SESN3: variants seen among roughly 807,000 people sequenced by gnomAD.
SESN3 encodes sestrin-3.
A neutral mutation model predicts 55.3 loss-of-function variants in SESN3; 21 were observed. The ratio of observed to expected loss-of-function variants is 0.38; its 90% confidence interval spans 0.27 to 0.55. SESN3 has a LOEUF of 0.55. Among genes scored for constraint, SESN3 ranks in the 20% least tolerant of loss-of-function variants. SESN3 has a pLI of 0.76. For synonymous variants in SESN3, 181 were observed against 203.1 expected (o/e 0.89, Z 0.93); for missense variants, 408 against 604.3 (o/e 0.68, Z 3.41).
chr11:95,174,673 TGGG>T (rs1859921731), intron 9 of SESN3, among the ~76,000 whole-genome samples: 3 of 152,024 alleles, frequency 2.0e-5, no homozygotes, highest in Non-Finnish European at 4.4e-5. Context: ...TTAGTAGAAA[TGGG>T]GTTTCACTAC....
At chr11:95,212,049 A>G (rs1290900840) in intron 1 of SESN3, among the ~76,000 whole-genome samples, 9 of 152,230 alleles carry the variant, frequency 5.9e-5, no homozygotes, top group Admixed American at 5.9e-4. Context: ...TAGATACTCT[A>G]TAATGTTATC....
At chr11:95,190,575 G>A (rs1860248033) in intron 3 of SESN3, among the ~76,000 whole-genome samples, 1 of 151,826 alleles carries the variant, frequency 6.6e-6, no homozygotes, top group Admixed American at 6.6e-5. Context: ...AGCATTCTAA[G>A]TCTGCTTTCA....
intron 6 of SESN3, chr11:95,184,205 A>G: frequency 1.7e-6 from 1 of 595,022 alleles, no homozygotes; most frequent in South Asian, 2.1e-5. Flanking sequence ...AGTATGAACT[A>G]CAAAGCTGAA....
chr11:95,193,034 T>C (rs1860296829), intron 2 of SESN3, among the ~76,000 whole-genome samples: 1 of 152,086 alleles, frequency 6.6e-6, no homozygotes, highest in Non-Finnish European at 1.5e-5. Context: ...GTAGGCAACT[T>C]AGAGCAGCCC....
intron 1 of SESN3, among the ~76,000 whole-genome samples, chr11:95,221,421 T>C (rs918047402): frequency 6.6e-6 from 1 of 152,226 alleles, no homozygotes; most frequent in East Asian, 1.9e-4. Context: ...TATTGATAAC[T>C]GAAAAGACAA....
chr11:95,181,255 C>T (rs1198425111), intron 6 of SESN3, among the ~76,000 whole-genome samples: 1 of 151,960 alleles, frequency 6.6e-6, no homozygotes, highest in Non-Finnish European at 1.5e-5. Context: ...TTAAAATAAA[C>T]AGTAAAAAGT....
chr11:95,212,800 C>T (rs1460624403), intron 1 of SESN3, among the ~76,000 whole-genome samples: 1 of 152,262 alleles, frequency 6.6e-6, no homozygotes. Flanking sequence ...GCCTCCTACA[C>T]ACACATTATT....
At chr11:95,192,824 T>G in intron 2 of SESN3, among the ~76,000 whole-genome samples, 2 of 152,238 alleles carry the variant, frequency 1.3e-5, no homozygotes, top group Middle Eastern at 3.4e-3. Flanking sequence ...GTTAAAAATA[T>G]AATGGGATCC....
intron 1 of SESN3, among the ~76,000 whole-genome samples, chr11:95,223,073 C>CT (rs1860886562): frequency 6.6e-6 from 1 of 152,088 alleles, no homozygotes; most frequent in Admixed American, 6.6e-5. Context: ...TAAATAGGCC[C>CT]TTATGCTTAT....
At chr11:95,221,071 G>A (rs997523762) in intron 1 of SESN3, among the ~76,000 whole-genome samples, 2 of 152,194 alleles carry the variant, frequency 1.3e-5, no homozygotes, top group Non-Finnish European at 2.9e-5. Flanking sequence ...GGGAGGCCAA[G>A]GCAGGCAGAT....
At chr11:95,221,497 A>G (rs908961477) in intron 1 of SESN3, among the ~76,000 whole-genome samples, 3 of 152,242 alleles carry the variant, frequency 2.0e-5, no homozygotes, top group African/African-American at 7.2e-5. Flanking sequence ...TAAAATATGT[A>G]TCTAGAAAGA....
upstream of SESN3, chr11:95,231,689 C>T (rs560433047): frequency 6.6e-6 from 1 of 152,410 alleles, no homozygotes; most frequent in African/African-American, 2.4e-5. Context: ...ATTAAATGTT[C>T]CTTCCTTCAG....
At chr11:95,190,150 A>G (rs1379607230) in intron 3 of SESN3, among the ~76,000 whole-genome samples, 189 bp from the exon 4 acceptor site, 10 of 151,978 alleles carry the variant, frequency 6.6e-5, no homozygotes, top group Admixed American at 6.6e-4. Flanking sequence ...TGATACTTGT[A>G]TAAGCAAATA....
chr11:95,221,110 G>A (rs532106784), intron 1 of SESN3, among the ~76,000 whole-genome samples: 7 of 152,110 alleles, frequency 4.6e-5, no homozygotes, highest in Admixed American at 2.0e-4. Flanking sequence ...CGAAGCCAGC[G>A]TGGCCAACAT....
intron 1 of SESN3, among the ~76,000 whole-genome samples, chr11:95,226,773 A>C (rs1860955288): frequency 6.6e-6 from 1 of 152,214 alleles, no homozygotes; most frequent in South Asian, 2.1e-4. Flanking sequence ...ATGGTGTTAG[A>C]CTCCAGTTAT....
intron 1 of SESN3, chr11:95,204,782 C>T (rs1860517987): frequency 6.6e-6 from 1 of 152,172 alleles, no homozygotes; most frequent in African/African-American, 2.4e-5. Context: ...GTTTCTGCCA[C>T]CCAGTCTTTG....
chr11:95,174,253 C>T lies in SESN3; in HGVS notation c.1393-912G>A, dbSNP rs377331101. ...AAAAGATTTTCTTACTTTCAAGCTT[C>T]GAAACTGTTGTATAAAGGAGATTCT... On this transcript the variant is annotated intron_variant, in intron 9 of 9. Transcript: ENST00000536441. 1.7e-4 allele frequency among the ~76,000 whole-genome samples: 26 copies of T among 152,194 alleles called. 1 individual carries two copies. The East Asian group carries it at 4.6e-3, about 27-fold the overall frequency.
rs1409247072 is a variant in SESN3, at chr11:95,166,603, A to T, written c.*6652T>A. 1 of 152,354 alleles carries T rather than the reference A, an allele frequency of 6.6e-6. No homozygotes were observed. Among genetic ancestry groups the T allele is most frequent in the Non-Finnish European group, 1.5e-5 (1 of 68,036 alleles). The allele number at this position is 152,354 out of a possible 1,614,324, so 9.4% of individuals were successfully genotyped here. On this transcript the variant is annotated 3_prime_UTR_variant, in exon 10 of 10. Transcript: ENST00000536441. ...AGTTCAACTTCTATTTCATAAGTTAAAAGATGCGTCCAGTTCTTCCATGAC... is the reference window on the plus strand; with the variant it reads ...AGTTCAACTTCTATTTCATAAGTTATAAGATGCGTCCAGTTCTTCCATGAC...
At chr11:95,189,543 C>A (rs183859863) in intron 4 of SESN3, among the ~76,000 whole-genome samples, 25 of 151,976 alleles carry the variant, frequency 1.6e-4, no homozygotes. Context: ...AGTCTATCTA[C>A]TACTTAAAAA....
Sources: allele counts gnomAD v4.1 joint callset (sites outside exome capture counted in the v4.1 genomes callset), GRCh38; gene constraint gnomAD v4.1.1; transcripts MANE v1.5; gene names NCBI Gene and HGNC (gene_info 2026-07-23, HGNC 2026-07-21).